DPPA2: variants seen among roughly 807,000 people sequenced by gnomAD.
DPPA2 encodes the protein developmental pluripotency-associated protein 2.
Under a neutral mutation model 36.2 loss-of-function variants are expected in DPPA2, and 26 were observed. The observed-to-expected ratio is 0.72, with a 90% CI of 0.53 to 1.00. The LOEUF is 1.00. Among genes scored for constraint, DPPA2 ranks in the 50% least tolerant of loss-of-function variants. The pLI is 0.00. For missense variants in DPPA2, 361 were observed against 365.1 expected, an observed-to-expected ratio of 0.99 and a Z score of 0.09; for synonymous variants, 113 against 123.2, an observed-to-expected ratio of 0.92 and a Z score of 0.55.
At chr3:109,302,464 T>C (rs956627229) in intron 7 of DPPA2, among the ~76,000 whole-genome samples, 1 of 152,194 alleles carries the variant, frequency 6.6e-6, no homozygotes, top group Non-Finnish European at 1.5e-5. Flanking sequence ...CTTTTTCTTT[T>C]GTTTTTGAGA....
At chr3:109,295,107 T>C (rs1347786142) in intron 8 of DPPA2, 2 of 152,196 alleles carry the variant, frequency 1.3e-5, no homozygotes, top group African/African-American at 2.4e-5. Flanking sequence ...TCAATTCAAA[T>C]TGAGAACTCC....
In DPPA2 at chr3:109,309,343, T is replaced by G. The variant is rs199588428; in HGVS notation, c.182-13A>C. 2.5e-6 allele frequency: 4 copies of G among 1,613,640 alleles called. No homozygotes were observed. The highest frequency in any genetic ancestry group is 3.4e-6 in the Non-Finnish European group (4 of 1,179,654). On this transcript the variant is annotated splice_polypyrimidine_tract_variant and intron_variant, in intron 3 of 8. Transcript: ENST00000478945. Reference sequence around the variant, plus strand: ...TGAAGTAGATGACCTAAGACAAGAATGGAACCAAAGTAGTAATAATTTAAA... The same window carrying G: ...TGAAGTAGATGACCTAAGACAAGAAGGGAACCAAAGTAGTAATAATTTAAA...
At chr3:109,306,349 A>G (rs751538970) in intron 6 of DPPA2, among the ~76,000 whole-genome samples, 3 of 152,222 alleles carry the variant, frequency 2.0e-5, no homozygotes, top group Non-Finnish European at 4.4e-5. Context: ...TGGCTGGACA[A>G]TGCCTTTGCA....
At chr3:109,295,367 A>G (rs73208876) in intron 8 of DPPA2, 18,313 of 151,432 alleles carry the variant, frequency 0.12, 1,281 homozygotes, top group South Asian at 0.2. Context: ...TGAAAGTACA[A>G]TCGTCTCTAC....
chr3:109,310,688 T>C (rs2107318701), intron 3 of DPPA2, among the ~76,000 whole-genome samples: 2 of 151,902 alleles, frequency 1.3e-5, no homozygotes, highest in Middle Eastern at 6.8e-3. Context: ...GTATTTTTAG[T>C]AGAGACGGTG....
intron 3 of DPPA2, among the ~76,000 whole-genome samples, chr3:109,310,346 G>A (rs558386774): frequency 1.4e-5 from 2 of 145,334 alleles, no homozygotes; most frequent in South Asian, 4.5e-4. Flanking sequence ...AGGCAGAGGC[G>A]GCAGCGAGCT....
intron 3 of DPPA2, 27 bp downstream of exon 3, chr3:109,312,518 C>G: frequency 1.3e-6 from 2 of 1,593,482 alleles, no homozygotes; most frequent in Admixed American, 1.7e-5. Context: ...GTAGGAGTAA[C>G]TAACTGAGCA....
In DPPA2 at chr3:109,309,091, AAG is replaced by A. The variant is rs1480495594; in HGVS notation, c.343-14_343-13del. Reference sequence around the variant, plus strand: ...TAAACTTCGATTTTCTTAGGAAATGAAGAGAGAGATTAAGTTAAAAGTTGACA... The same window carrying A: ...TAAACTTCGATTTTCTTAGGAAATGAAGAGAGATTAAGTTAAAAGTTGACA... On this transcript the variant is annotated splice_polypyrimidine_tract_variant and intron_variant, in intron 4 of 8. Transcript: ENST00000478945. The A allele has an allele frequency of 2.5e-6, 4 of 1,614,166 alleles. No homozygotes were observed. The highest frequency in any genetic ancestry group is 3.4e-6 in the Non-Finnish European group (4 of 1,180,034).
chr3:109,311,763 GA>G (rs200925043), intron 3 of DPPA2, among the ~76,000 whole-genome samples: 5 of 150,274 alleles, frequency 3.3e-5, no homozygotes, highest in Non-Finnish European at 5.9e-5. Flanking sequence ...AAAAAAAAAA[GA>G]AAAAAAACAC....
At chr3:109,308,912 A>G in intron 5 of DPPA2, 114 bp downstream of exon 5, 1 of 1,257,710 alleles carries the variant, frequency 8.0e-7, no homozygotes, top group Non-Finnish European at 1.1e-6. Flanking sequence ...CAATAATGCC[A>G]CAGTGAAGAA....
At chr3:109,307,929 A>G in intron 6 of DPPA2, 103 bp downstream of exon 6, 1 of 1,400,562 alleles carries the variant, frequency 7.1e-7, no homozygotes, top group Non-Finnish European at 9.5e-7. Context: ...TAATCTTCAG[A>G]TATTTTAGCA....
chr3:109,300,302 G>T, intron 8 of DPPA2, 69 bp downstream of exon 8: 1 of 1,279,772 alleles, frequency 7.8e-7, no homozygotes, highest in Non-Finnish European at 1.1e-6. Flanking sequence ...TCTCTTGTAT[G>T]TGACTCTTTT....
chr3:109,313,352 C>G (rs1267630855), intron 2 of DPPA2, among the ~76,000 whole-genome samples: 1 of 152,180 alleles, frequency 6.6e-6, no homozygotes, highest in Non-Finnish European at 1.5e-5. Context: ...GCTCCAAGAC[C>G]TGAGGAGAGT....
intron 6 of DPPA2, among the ~76,000 whole-genome samples, chr3:109,307,126 G>C (rs976151403): frequency 9.2e-5 from 14 of 151,612 alleles, no homozygotes; most frequent in African/African-American, 3.4e-4. Flanking sequence ...ACACCACCAT[G>C]CCCGGCTTTT....
In DPPA2 at chr3:109,301,667, T is replaced by G. The variant is rs1576817327; in HGVS notation, c.855-1232A>C. On this transcript the variant is annotated intron_variant, in intron 7 of 8. Transcript: ENST00000478945. ...ACTCCATCTCAAATAAAAAAAAAATTTAAAAAGGAAAAGAGAGAAAGAAAG... is the reference window on the plus strand; with the variant it reads ...ACTCCATCTCAAATAAAAAAAAAATGTAAAAAGGAAAAGAGAGAAAGAAAG... Among the ~76,000 whole-genome samples the G allele has an allele frequency of 4.0e-5, 3 of 75,600 alleles. No individual in the cohort carries two copies. The South Asian group carries it at 2.2e-3, about 55-fold the overall frequency. 49.6% of individuals were successfully genotyped at this position (75,600 alleles called of 152,430 possible).
chr3:109,314,830 AG>A (rs899578997), intron 1 of DPPA2, among the ~76,000 whole-genome samples: 2 of 152,040 alleles, frequency 1.3e-5, no homozygotes, highest in South Asian at 4.2e-4. Context: ...TGGGAGGCCC[AG>A]GGGGGGCGGA....
At chr3:109,299,833 A>G (rs982817015) in intron 8 of DPPA2, among the ~76,000 whole-genome samples, 3 of 151,364 alleles carry the variant, frequency 2.0e-5, no homozygotes, top group Non-Finnish European at 4.4e-5. Context: ...GAGAACTACA[A>G]CCTTGAACTC....
intron 6 of DPPA2, 39 bp from the exon 7 acceptor site, chr3:109,304,709 A>G: frequency 6.5e-7 from 1 of 1,538,884 alleles, no homozygotes; most frequent in Non-Finnish European, 8.8e-7. Flanking sequence ...AAAAATCAAG[A>G]TAGCACCCCA....
intron 6 of DPPA2, among the ~76,000 whole-genome samples, chr3:109,305,324 T>G (rs1018271067): frequency 3.9e-5 from 6 of 152,186 alleles, no homozygotes; most frequent in South Asian, 2.1e-4. Context: ...TATTTCTTAT[T>G]CACAGGTGAG....
Sources: allele counts gnomAD v4.1 joint callset (sites outside exome capture counted in the v4.1 genomes callset), GRCh38; gene constraint gnomAD v4.1.1; transcripts MANE v1.5; gene names NCBI Gene and HGNC (gene_info 2026-07-23, HGNC 2026-07-21).